Variants in KCNQ1 observed in about 807,000 individuals in gnomAD.
The protein encoded by KCNQ1 is potassium voltage-gated channel subfamily Q member 1.
KCNQ1 carries 49 observed loss-of-function variants against 72.4 expected under a neutral mutation model. That is an observed-to-expected ratio of 0.68 (90% CI 0.54 to 0.86). KCNQ1 has a LOEUF of 0.86. Ranked by LOEUF, KCNQ1 falls within the 40% of genes least tolerant of loss-of-function variation. KCNQ1 has a pLI of 0.00. For missense variants in KCNQ1, 790 were observed against 945.1 expected (o/e 0.84, Z 2.15); for synonymous variants, 450 against 412.6 (o/e 1.09, Z -1.10).
chr11:2,718,554 C>G (rs976925047), intron 11 of KCNQ1, among the ~76,000 whole-genome samples: 1 of 152,204 alleles, frequency 6.6e-6, no homozygotes, highest in South Asian at 2.1e-4. Context: ...GAGGATAGTT[C>G]GGGCATCTGA....
chr11:2,587,567 C>T lies in KCNQ1; in HGVS notation c.1129-3C>T. The T allele has an allele frequency of 6.2e-7, 1 of 1,613,742 alleles. No homozygotes were observed. The highest frequency in any genetic ancestry group is 8.5e-7 in the Non-Finnish European group (1 of 1,180,008). Reference sequence around the variant, plus strand: ...GACAGCCTGTCCCCCTGCCCGACCTCAGACCGCATGGAGGTGCTATGCTGC... The same window carrying T: ...GACAGCCTGTCCCCCTGCCCGACCTTAGACCGCATGGAGGTGCTATGCTGC... On this transcript the variant is annotated splice_polypyrimidine_tract_variant and splice_region_variant and intron_variant, in intron 8 of 15. Transcript: ENST00000155840.
intron 1 of KCNQ1, chr11:2,461,675 G>A: frequency 7.3e-7 from 1 of 1,367,176 alleles, no homozygotes; most frequent in Middle Eastern, 2.1e-4. Context: ...CCCTGGGAAA[G>A]AGCCTGTGCT....
chr11:2,650,795 C>T, intron 10 of KCNQ1: 1 of 398,636 alleles, frequency 2.5e-6, no homozygotes. Context: ...ATACTGCTAA[C>T]AGCATGGGTC....
chr11:2,730,061 G>A (rs1845827184), intron 11 of KCNQ1, among the ~76,000 whole-genome samples: 2 of 152,132 alleles, frequency 1.3e-5, no homozygotes, highest in Non-Finnish European at 2.9e-5. Flanking sequence ...TAGGACACGT[G>A]AAGCCCTGGC....
chr11:2,570,537 T>C (rs1414057079), intron 2 of KCNQ1, 91 bp from the exon 3 acceptor site: 5 of 1,563,374 alleles, frequency 3.2e-6, no homozygotes, highest in African/African-American at 1.4e-5. Flanking sequence ...CAGCGGAGGC[T>C]CCAGCATGGC....
In KCNQ1 at chr11:2,450,186, G is replaced by A. The variant is rs1281725294; in HGVS notation, c.386+4702G>A. 6.6e-6 allele frequency among the ~76,000 whole-genome samples: 1 copy of A among 152,192 alleles called. No individual in the cohort carries two copies. The highest frequency in any genetic ancestry group is 2.4e-5 in the African/African-American group (1 of 41,442). On this transcript the variant is annotated intron_variant, in intron 1 of 15. Coordinates refer to ENST00000155840, the MANE Select transcript of KCNQ1 (RefSeq NM_000218.3). This position sits in a 1 kb window ranked among gnomAD's most constrained non-coding sequence, Gnocchi z 7.9. ...GCTGTGATTCAAGACTCTGTCCACG[G>A]GCAAGAACAACAAGGCTGGGACAAT... is the stretch of plus-strand genomic sequence containing the variant.
chr11:2,625,969 A>T, intron 10 of KCNQ1: 3 of 398,286 alleles, frequency 7.5e-6, no homozygotes, highest in Non-Finnish European at 1.3e-5. Context: ...TGATTTGCAA[A>T]TTTTTCTCCC....
At chr11:2,794,503 G>A (rs538282858) in intron 15 of KCNQ1, among the ~76,000 whole-genome samples, 17 of 152,308 alleles carry the variant, frequency 1.1e-4, no homozygotes, top group Admixed American at 7.8e-4. Flanking sequence ...TGGGGAGGCC[G>A]TGGTCAGGGG....
chr11:2,555,032 G>A (rs1389174946), intron 2 of KCNQ1, among the ~76,000 whole-genome samples: 2 of 152,178 alleles, frequency 1.3e-5, no homozygotes, highest in African/African-American at 4.8e-5. Context: ...CGTCCACAGG[G>A]CAGCCTTTAA....
chr11:2,531,454 G>A (rs1201473445), intron 2 of KCNQ1, among the ~76,000 whole-genome samples: 1 of 152,082 alleles, frequency 6.6e-6, no homozygotes, highest in Admixed American at 6.5e-5. Flanking sequence ...CCAGGCAGGA[G>A]GGCAGACCCT....
At chr11:2,736,513 G>A (rs1014281954) in intron 11 of KCNQ1, among the ~76,000 whole-genome samples, 2 of 152,182 alleles carry the variant, frequency 1.3e-5, no homozygotes, top group Admixed American at 6.5e-5. Flanking sequence ...TTGGGGATGG[G>A]AGGCGCTAGG....
chr11:2,632,182 C>CAAAAAA (rs34998500), intron 10 of KCNQ1: 18 of 312,110 alleles, frequency 5.8e-5, no homozygotes, highest in Admixed American at 2.0e-4. Context: ...GACTCTGCCT[C>CAAAAAA]AAAAAAAAAA....
In KCNQ1 at chr11:2,816,230, A is replaced by ACAC. The variant is rs1398590978; in HGVS notation, c.1795-31537_1795-31536insCAC. Among the ~76,000 whole-genome samples, 2 of 152,240 alleles carry ACAC rather than the reference A, an allele frequency of 1.3e-5. No homozygotes were observed. Among genetic ancestry groups the ACAC allele is most frequent in the Admixed American group, 1.3e-4 (2 of 15,286 alleles). Reference sequence around the variant, plus strand: ...GTGGAAAAGACAAACAGGCGAGTGAAGTGGATAAAGATTCAGGTTGTGGGA... The same window carrying ACAC: ...GTGGAAAAGACAAACAGGCGAGTGAACACGTGGATAAAGATTCAGGTTGTGGGA... On this transcript the variant is annotated intron_variant, in intron 15 of 15. Coordinates refer to ENST00000155840, the MANE Select transcript of KCNQ1 (RefSeq NM_000218.3). The surrounding 1 kb of genome is among the most constrained non-coding windows in gnomAD (Gnocchi z 6.8).
At position 2,588,397 on chromosome 11, in the gene KCNQ1, A is replaced by G. The variant is rs1251645663; in HGVS notation, c.1252-316A>G. Among the ~76,000 whole-genome samples, 1 of 151,876 alleles carries G rather than the reference A, an allele frequency of 6.6e-6. No individual in the cohort carries two copies. The highest frequency in any genetic ancestry group is 1.5e-5 in the Non-Finnish European group (1 of 67,968). On this transcript the variant is annotated intron_variant, in intron 9 of 15. Transcript: ENST00000155840. This position sits in a 1 kb window ranked among gnomAD's most constrained non-coding sequence, Gnocchi z 5.6. ...CCCCCAGCCTGTTCCCCCGATATGC[A>G]TTCTCCCCTACTGGTCACAGCCCCT...
At chr11:2,604,560 T>C (rs1369647471) in intron 10 of KCNQ1, among the ~76,000 whole-genome samples, 1 of 151,788 alleles carries the variant, frequency 6.6e-6, no homozygotes, top group Non-Finnish European at 1.5e-5. Flanking sequence ...ACTATCTTTT[T>C]TTTGAGATGA....
chr11:2,749,670 G>A (rs181943535), intron 11 of KCNQ1, among the ~76,000 whole-genome samples: 6,605 of 144,612 alleles, frequency 0.046, 494 homozygotes, highest in African/African-American at 0.15. Flanking sequence ...AAAATTGTCC[G>A]GGCGCGGTGG....
Position 2,613,295 on chromosome 11 carries a change from C to T in KCNQ1, c.1393+24441C>T. 1 of 398,510 alleles carries T rather than the reference C, an allele frequency of 2.5e-6. No homozygotes were observed. The highest frequency in any genetic ancestry group is 4.4e-6 in the Non-Finnish European group (1 of 226,038). 24.7% of individuals were successfully genotyped at this position (398,510 alleles called of 1,614,324 possible). On this transcript the variant is annotated intron_variant, in intron 10 of 15. Transcript: ENST00000155840. This position sits in a 1 kb window ranked among gnomAD's most constrained non-coding sequence, Gnocchi z 4.8. ...TCTCTCCTGCAAGCATGTACAACTT[C>T]CATATCTCCAGAATTCCTTTTAAAA...
chr11:2,796,145 C>T (rs1414283720), intron 15 of KCNQ1, among the ~76,000 whole-genome samples: 1 of 152,240 alleles, frequency 6.6e-6, no homozygotes, highest in Non-Finnish European at 1.5e-5. Context: ...TTCCTCCCGG[C>T]ATGCATGAAA....
chr11:2,713,980 CT>C lies in KCNQ1; in HGVS notation c.1514+51900del, dbSNP rs1434502374. Among the ~76,000 whole-genome samples, 1 of 152,236 alleles carries C rather than the reference CT, an allele frequency of 6.6e-6. No individual in the cohort carries two copies. Among genetic ancestry groups the C allele is most frequent in the Non-Finnish European group, 1.5e-5 (1 of 68,042 alleles). On this transcript the variant is annotated intron_variant, in intron 11 of 15. Transcript: ENST00000155840. This position sits in a 1 kb window ranked among gnomAD's most constrained non-coding sequence, Gnocchi z 5.6. The stretch of plus-strand genomic sequence containing the variant: ...TGCTAACTCAGGGAGCTCCAGGTGG[CT>C]GCCACTCAGGGGTGTGTGGGGGGCG...
Sources: gnomAD v4.1 joint callset for allele counts (sites outside exome capture counted in the v4.1 genomes callset) on GRCh38, gnomAD v4.1.1 for gene constraint, Gnocchi (gnomAD v3.1) non-coding constraint, MANE v1.5 for transcripts, NCBI Gene and HGNC (gene_info 2026-07-23, HGNC 2026-07-21) for gene names.